The following DSCAM variants were observed in gnomAD, a reference collection of about 807,000 sequenced individuals.
DSCAM encodes the protein cell adhesion molecule DSCAM.
A neutral mutation model predicts 217.7 loss-of-function variants in DSCAM; 47 were observed. The ratio of observed to expected loss-of-function variants is 0.22; its 90% CI spans 0.17 to 0.28. The LOEUF is 0.28. Ranked by LOEUF, DSCAM falls within the 10% of genes least tolerant of loss-of-function variation. The pLI, the probability that DSCAM is intolerant of heterozygous loss-of-function variation, is 1.00. For synonymous variants in DSCAM, 1,056 were observed against 1,015.3 expected (o/e 1.04, Z -0.76); for missense variants, 2,080 against 2,618.3 (o/e 0.79, Z 4.49).
intron 27 of DSCAM, among the ~76,000 whole-genome samples, chr21:40,065,678 C>A (rs2089196624): frequency 6.6e-6 from 1 of 152,156 alleles, no homozygotes; most frequent in African/African-American, 2.4e-5. Context: ...TCCAGGTCTG[C>A]AGGTCTCTCC....
At chr21:40,429,585 T>C (rs1250014455) in intron 3 of DSCAM, among the ~76,000 whole-genome samples, 2 of 152,188 alleles carry the variant, frequency 1.3e-5, no homozygotes, top group Non-Finnish European at 2.9e-5. Flanking sequence ...AGTTTTAAAG[T>C]GTGAACTGTG....
chr21:40,632,094 G>A (rs1418067463), intron 3 of DSCAM, among the ~76,000 whole-genome samples: 1 of 152,200 alleles, frequency 6.6e-6, no homozygotes, highest in Non-Finnish European at 1.5e-5. Context: ...CAAGGGTAGT[G>A]CCCTGGGCAT....
intron 3 of DSCAM, 64 bp from the exon 4 acceptor site, chr21:40,369,309 A>T: frequency 6.6e-7 from 1 of 1,522,148 alleles, no homozygotes; most frequent in East Asian, 2.3e-5. Flanking sequence ...CACACAGACA[A>T]AGTCCTTAAA....
chr21:40,510,143 T>C (rs972292232), intron 3 of DSCAM, among the ~76,000 whole-genome samples: 1 of 151,756 alleles, frequency 6.6e-6, no homozygotes, highest in African/African-American at 2.4e-5. Flanking sequence ...GAATCTAAAA[T>C]TGTCCCCCCC....
intron 11 of DSCAM, among the ~76,000 whole-genome samples, chr21:40,204,958 G>T (rs2091108339): frequency 6.6e-6 from 1 of 152,224 alleles, no homozygotes; most frequent in Admixed American, 6.5e-5. Flanking sequence ...TACATTCCAT[G>T]TAACTGTTGG....
chr21:40,572,721 T>C (rs987962180), intron 3 of DSCAM, among the ~76,000 whole-genome samples: 1 of 152,188 alleles, frequency 6.6e-6, no homozygotes, highest in African/African-American at 2.4e-5. Flanking sequence ...TAAATGTGTA[T>C]GAACCTAATA....
chr21:40,691,691 G>A (rs1267149700), intron 3 of DSCAM, among the ~76,000 whole-genome samples: 1 of 152,188 alleles, frequency 6.6e-6, no homozygotes, highest in Non-Finnish European at 1.5e-5. Context: ...AGCAAGGAAT[G>A]TACTGTTCAT....
At chr21:40,514,362 C>G (rs1601705962) in intron 3 of DSCAM, among the ~76,000 whole-genome samples, 1 of 152,344 alleles carries the variant, frequency 6.6e-6, no homozygotes, top group Non-Finnish European at 1.5e-5. Context: ...AATTGGACTA[C>G]ATCACCCTTT....
At chr21:40,111,629 T>TAAAG (rs2089900249) in intron 20 of DSCAM, among the ~76,000 whole-genome samples, 1 of 152,052 alleles carries the variant, frequency 6.6e-6, no homozygotes, top group African/African-American at 2.4e-5. Context: ...GCAAATTGGA[T>TAAAG]AAAGAGTCAA....
rs184544110 is a variant in DSCAM at position 40,756,867 on chromosome 21, C to T, written c.44-48096G>A. On this transcript the variant is annotated intron_variant, in intron 1 of 32. Transcript: ENST00000400454. Reference sequence around the variant, plus strand: ...TTGGTCAAAGGCCATACAGTTTGCACATCTTAGAGGTAGTATTGCAAGCCA... The same window carrying T: ...TTGGTCAAAGGCCATACAGTTTGCATATCTTAGAGGTAGTATTGCAAGCCA... 9.9e-5 allele frequency among the ~76,000 whole-genome samples: 15 copies of T among 152,108 alleles called. No homozygotes were observed. In the East Asian group the frequency reaches 2.3e-3, roughly 24 times the overall value.
intron 1 of DSCAM, among the ~76,000 whole-genome samples, chr21:40,758,972 CA>C (rs1205224967): frequency 6.6e-6 from 1 of 152,106 alleles, no homozygotes; most frequent in Non-Finnish European, 1.5e-5. Context: ...AATAGATCAT[CA>C]TAAATAAAGA....
At chr21:40,199,384 T>C (rs2091047926) in intron 11 of DSCAM, among the ~76,000 whole-genome samples, 1 of 152,218 alleles carries the variant, frequency 6.6e-6, no homozygotes, top group Non-Finnish European at 1.5e-5. Context: ...ACATTTTCTT[T>C]ATCCAGTCTA....
At chr21:40,223,033 C>T (rs887886543) in intron 11 of DSCAM, among the ~76,000 whole-genome samples, 1 of 152,224 alleles carries the variant, frequency 6.6e-6, no homozygotes, top group Non-Finnish European at 1.5e-5. Flanking sequence ...CCACGCTCCC[C>T]TCCAGCATCC....
chr21:40,252,449 T>C (rs2073317445), intron 11 of DSCAM, among the ~76,000 whole-genome samples: 1 of 152,194 alleles, frequency 6.6e-6, no homozygotes, highest in East Asian at 1.9e-4. Flanking sequence ...TTTTGTTGTT[T>C]TCCTCCTTTG....
At chr21:40,284,405 A>AC (rs2073800701) in intron 10 of DSCAM, among the ~76,000 whole-genome samples, 1 of 152,180 alleles carries the variant, frequency 6.6e-6, no homozygotes, top group South Asian at 2.1e-4. Flanking sequence ...GATCTTTAGC[A>AC]CTACCACTTT....
chr21:40,830,349 G>A (rs1279824116), intron 1 of DSCAM, among the ~76,000 whole-genome samples: 1 of 151,832 alleles, frequency 6.6e-6, no homozygotes, highest in Non-Finnish European at 1.5e-5. Flanking sequence ...ACAGCGCCAC[G>A]CCATGAAGGA....
At chr21:40,744,331 G>A (rs1489954915) in intron 1 of DSCAM, among the ~76,000 whole-genome samples, 1 of 152,158 alleles carries the variant, frequency 6.6e-6, no homozygotes, top group Non-Finnish European at 1.5e-5. Context: ...GTCATACTGA[G>A]GAGACCGGCC....
chr21:40,238,927 T>G (rs561987889), intron 11 of DSCAM, among the ~76,000 whole-genome samples: 1 of 152,328 alleles, frequency 6.6e-6, no homozygotes, highest in East Asian at 1.9e-4. Flanking sequence ...TTCTCTTTGC[T>G]TGAGAGGCAG....
At chr21:40,781,394 T>C (rs866918409) in intron 1 of DSCAM, among the ~76,000 whole-genome samples, 2 of 152,124 alleles carry the variant, frequency 1.3e-5, no homozygotes, top group African/African-American at 2.4e-5. Context: ...GATTAGTAAA[T>C]AGCATTCATT....
Sources: allele counts gnomAD v4.1 joint callset (sites outside exome capture counted in the v4.1 genomes callset), GRCh38; gene constraint gnomAD v4.1.1; transcripts MANE v1.5; gene names NCBI Gene and HGNC (gene_info 2026-07-23, HGNC 2026-07-21).